MYO18B: variants seen among roughly 807,000 people sequenced by gnomAD.
The protein encoded by MYO18B is unconventional myosin-XVIIIb.
A neutral mutation model predicts 273.0 loss-of-function variants in MYO18B; 204 were observed. That is an observed-to-expected ratio of 0.75 (90% CI 0.67 to 0.84). The LOEUF is 0.84. Among genes scored for constraint, MYO18B ranks in the 40% least tolerant of loss-of-function variants. The probability of loss-of-function intolerance (pLI) is 0.00; values close to 1 mark genes in which losing one functional copy is unlikely to be tolerated. For synonymous variants in MYO18B, 1,330 were observed against 1,305.7 expected, an observed-to-expected ratio of 1.02 and a Z score of -0.40; for missense variants, 3,212 against 3,287.6, an observed-to-expected ratio of 0.98 and a Z score of 0.56.
chr22:25,859,881 G>A (rs1430927017), intron 21 of MYO18B, among the ~76,000 whole-genome samples: 2 of 152,072 alleles, frequency 1.3e-5, no homozygotes, highest in Non-Finnish European at 2.9e-5. Flanking sequence ...AGTGACTGGT[G>A]CTTTTTTCAT....
chr22:25,820,710 A>G (rs979750298), intron 12 of MYO18B, among the ~76,000 whole-genome samples: 1 of 152,142 alleles, frequency 6.6e-6, no homozygotes, highest in African/African-American at 2.4e-5. Context: ...ATTTGAAACT[A>G]TATAATATAT....
intron 11 of MYO18B, among the ~76,000 whole-genome samples, chr22:25,787,675 A>G (rs1253958674): frequency 6.6e-6 from 1 of 152,174 alleles, no homozygotes; most frequent in African/African-American, 2.4e-5. Flanking sequence ...GCATGAAACA[A>G]GCTGGAATGA....
At chr22:25,824,289 G>A (rs970408739) in intron 13 of MYO18B, among the ~76,000 whole-genome samples, 3 of 152,108 alleles carry the variant, frequency 2.0e-5, no homozygotes, top group Admixed American at 6.5e-5. Context: ...GGTGGTGGTC[G>A]GAAGTGCTAG....
intron 12 of MYO18B, among the ~76,000 whole-genome samples, chr22:25,799,683 G>A (rs1259577942): frequency 2.6e-5 from 4 of 152,138 alleles, no homozygotes; most frequent in African/African-American, 7.2e-5. Context: ...CCACATTCCC[G>A]GGCCCTGTGG....
At chr22:25,805,820 C>G (rs77843808) in intron 12 of MYO18B, among the ~76,000 whole-genome samples, 1,564 of 152,244 alleles carry the variant, frequency 0.01, 11 homozygotes, top group Non-Finnish European at 0.016. Context: ...CAGTCTTGTC[C>G]TCTCCCGCTG....
chr22:26,019,643 A>T (rs1935653772), intron 42 of MYO18B, among the ~76,000 whole-genome samples: 1 of 152,182 alleles, frequency 6.6e-6, no homozygotes. Context: ...GGTCATCTTC[A>T]AAGAGCATCT....
At chr22:25,774,660 C>T (rs9624894) in intron 7 of MYO18B, among the ~76,000 whole-genome samples, 43,908 of 152,106 alleles carry the variant, frequency 0.29, 6,805 homozygotes, top group Non-Finnish European at 0.32. Context: ...GTCCTTAGGC[C>T]GGATCAACCT....
In MYO18B at chr22:25,975,954, T is replaced by G. The variant is rs149748231; in HGVS notation, c.6157-16409T>G. On this transcript the variant is annotated intron_variant, in intron 39 of 43. Transcript: ENST00000335473. ...ACAGTGGTTTGTCCTAGATTCAAAT[T>G]CACATCTGTCTGACTCCAGAGTCCA... Among the ~76,000 whole-genome samples the G allele has an allele frequency of 1.1e-4, 17 of 152,302 alleles. No homozygotes were observed. In the East Asian group the frequency reaches 3.3e-3, roughly 29 times the overall value.
At chr22:25,857,592 C>T (rs2090611208) in intron 21 of MYO18B, among the ~76,000 whole-genome samples, 1 of 152,214 alleles carries the variant, frequency 6.6e-6, no homozygotes, top group South Asian at 2.1e-4. Context: ...CACCTTCGCT[C>T]CTGAAATTTA....
At chr22:25,897,224 A>G (rs537323800) in intron 28 of MYO18B, 2 of 152,358 alleles carry the variant, frequency 1.3e-5, no homozygotes, top group Admixed American at 6.5e-5. Context: ...CCCATTCGAT[A>G]TCGGAGCCAT....
intron 15 of MYO18B, among the ~76,000 whole-genome samples, chr22:25,830,776 G>C (rs1283867843): frequency 6.6e-6 from 1 of 152,176 alleles, no homozygotes; most frequent in Non-Finnish European, 1.5e-5. Flanking sequence ...AGGAAAACAG[G>C]CTCCACTTCT....
chr22:25,942,789 C>T (rs898571270), intron 34 of MYO18B, among the ~76,000 whole-genome samples: 1 of 152,114 alleles, frequency 6.6e-6, no homozygotes, highest in African/African-American at 2.4e-5. Flanking sequence ...CCATCAGGGC[C>T]AAGATAATCC....
At chr22:25,881,067 A>G (rs1432962152) in intron 25 of MYO18B, among the ~76,000 whole-genome samples, 1 of 152,202 alleles carries the variant, frequency 6.6e-6, no homozygotes, top group Non-Finnish European at 1.5e-5. Flanking sequence ...CTGTAAATGG[A>G]TTTATGATTA....
At chr22:26,048,318 C>T in the MYO18B span, among the ~76,000 whole-genome samples, 2 of 152,232 alleles carry the variant, frequency 1.3e-5, no homozygotes, top group Admixed American at 6.5e-5. Context: ...AGTCCCCAGA[C>T]TCTAGACCAA....
intron 11 of MYO18B, among the ~76,000 whole-genome samples, chr22:25,796,755 G>A (rs558370700): frequency 4.6e-5 from 7 of 152,336 alleles, no homozygotes; most frequent in African/African-American, 1.7e-4. Flanking sequence ...GATCTTGATT[G>A]ATTAATGATG....
intron 42 of MYO18B, among the ~76,000 whole-genome samples, chr22:26,022,853 G>T (rs1459007474): frequency 6.6e-6 from 1 of 152,210 alleles, no homozygotes; most frequent in African/African-American, 2.4e-5. Context: ...CCCAGGGAAG[G>T]CGAGTGGATC....
Position 25,769,088 on chromosome 22 carries a change from A to G in MYO18B, c.1172A>G (p.Lys391Arg). The G allele has an allele frequency of 6.2e-7, 1 of 1,613,248 alleles. No individual in the cohort carries two copies. The highest frequency in any genetic ancestry group is 8.5e-7 in the Non-Finnish European group (1 of 1,179,586). ...GGGAAGGCAGGTGAGTCCTGGGATAAGAAGGAAAAGATGGGGCAACCCCAG... is the reference window on the plus strand; with the variant it reads ...GGGAAGGCAGGTGAGTCCTGGGATAGGAAGGAAAAGATGGGGCAACCCCAG... ...TTGKAGESWD[K>R]KEKMGQPQGK... Residue 391 changes from lysine (K) to arginine (R), a missense_variant, in exon 4 of 44, where the codon AAG becomes AGG. Coordinates refer to ENST00000335473, the MANE Select transcript of MYO18B (RefSeq NM_032608.7).
rs373143290 is a variant in MYO18B at position 25,955,310 on chromosome 22, C to T, written c.6102C>T (p.Asp2034=). ...GGCGCCTGGAAGAGCTGAAGGCCGA[C>T]ATGGAAGAGCTGGTGCAGCGGGAGG... ...YQRRLEELKA[D]MEELVQREAE... The change falls in exon 39 of 44, where the codon GAC becomes GAT. Residue 2034 remains aspartate, a synonymous_variant. Transcript: ENST00000335473. The T allele has an allele frequency of 1.3e-5, 21 of 1,613,690 alleles. No homozygotes were observed. The highest frequency in any genetic ancestry group is 1.8e-5 in the Non-Finnish European group (21 of 1,179,850).
the MYO18B span, among the ~76,000 whole-genome samples, chr22:26,063,472 C>T: frequency 1.3e-5 from 2 of 152,018 alleles, no homozygotes; most frequent in African/African-American, 4.8e-5. Flanking sequence ...TCCAGGTGGC[C>T]AAGAATACAA....
Sources: allele counts gnomAD v4.1 joint callset (sites outside exome capture counted in the v4.1 genomes callset), GRCh38; gene constraint gnomAD v4.1.1; transcripts MANE v1.5; gene names NCBI Gene and HGNC (gene_info 2026-07-23, HGNC 2026-07-21).